The following STK38L variants were observed in gnomAD, a reference collection of about 807,000 sequenced individuals.
STK38L encodes serine/threonine-protein kinase 38-like.
STK38L carries 28 observed loss-of-function variants against 59.7 expected under a neutral mutation model. The ratio of observed to expected loss-of-function variants is 0.47; its 90% confidence interval spans 0.35 to 0.64. The LOEUF is 0.64. Among genes scored for constraint, STK38L ranks in the 30% least tolerant of loss-of-function variants. The probability of loss-of-function intolerance (pLI) is 0.01; values close to 1 mark genes in which losing one functional copy is unlikely to be tolerated. For synonymous variants in STK38L, 162 were observed against 176.8 expected, an observed-to-expected ratio of 0.92 and a Z score of 0.66; for missense variants, 314 against 555.8, an observed-to-expected ratio of 0.56 and a Z score of 4.37.
At chr12:27,304,711 A>G (rs1944265838) in intron 3 of STK38L, among the ~76,000 whole-genome samples, 1 of 152,122 alleles carries the variant, frequency 6.6e-6, no homozygotes, top group African/African-American at 2.4e-5. Flanking sequence ...ATATTGATAT[A>G]GAAATCTTAA....
chr12:27,284,159 T>C (rs139780002), intron 1 of STK38L, among the ~76,000 whole-genome samples: 317 of 152,244 alleles, frequency 2.1e-3, no homozygotes, highest in Middle Eastern at 3.4e-3. Context: ...TGGACATGAG[T>C]GCTAGGGCTA....
intron 1 of STK38L, among the ~76,000 whole-genome samples, chr12:27,253,254 A>G (rs891178296): frequency 1.3e-5 from 2 of 152,222 alleles, no homozygotes; most frequent in Admixed American, 6.5e-5. Flanking sequence ...TTCATTCTCT[A>G]CTTCACCACC....
intron 1 of STK38L, among the ~76,000 whole-genome samples, chr12:27,280,611 G>A (rs1268968734): frequency 1.3e-5 from 2 of 152,198 alleles, no homozygotes; most frequent in Non-Finnish European, 2.9e-5. Context: ...CCTGACTCCT[G>A]TGATGGCATC....
At chr12:27,257,041 T>G (rs1943105370) in intron 1 of STK38L, among the ~76,000 whole-genome samples, 1 of 152,260 alleles carries the variant, frequency 6.6e-6, no homozygotes, top group Admixed American at 6.5e-5. Context: ...AACATTTTTC[T>G]GAACATTTTC....
chr12:27,325,260 G>C lies in STK38L; in HGVS notation c.*2805G>C, dbSNP rs934541431. The C allele has an allele frequency of 2.0e-5, 3 of 152,162 alleles. No homozygotes were observed. 9.4% of individuals were successfully genotyped at this position (152,162 alleles called of 1,614,324 possible). ...GCTAGTTAGTGAATGGAAAATAAGT[G>C]TGGAGTATTAAAAATGTTCTTTGGT... On this transcript the variant is annotated 3_prime_UTR_variant, in exon 14 of 14. Transcript: ENST00000389032.
chr12:27,253,502 G>C (rs1454210399), intron 1 of STK38L, among the ~76,000 whole-genome samples: 1 of 152,272 alleles, frequency 6.6e-6, no homozygotes, highest in Middle Eastern at 3.4e-3. Flanking sequence ...AGTACATACC[G>C]TGTGCCAGGA....
chr12:27,270,058 G>A (rs1025573699), intron 1 of STK38L, among the ~76,000 whole-genome samples: 10 of 151,958 alleles, frequency 6.6e-5, no homozygotes, highest in Non-Finnish European at 1.3e-4. Flanking sequence ...CAGTGTTGTC[G>A]CCTGATTGTA....
chr12:27,309,421 T>A (rs1944406204), intron 5 of STK38L, among the ~76,000 whole-genome samples: 1 of 152,234 alleles, frequency 6.6e-6, no homozygotes, highest in Non-Finnish European at 1.5e-5. Context: ...ACAGGCTGGT[T>A]AGCTTAAACA....
intron 2 of STK38L, among the ~76,000 whole-genome samples, chr12:27,300,912 T>C (rs944468104): frequency 4.6e-5 from 7 of 152,204 alleles, no homozygotes; most frequent in South Asian, 2.1e-4. Context: ...ATAAGAAATA[T>C]CAAAAAGTTG....
In STK38L at chr12:27,323,426, T is replaced by C. The variant is rs1944776366; in HGVS notation, c.*971T>C. On this transcript the variant is annotated 3_prime_UTR_variant, in exon 14 of 14. Transcript: ENST00000389032. ...ATAGAGAACAAAAAGCTATTTACTT[T>C]GGTTTTCTAGAAAGTTGTTACATAT... 6.6e-6 allele frequency: 1 copy of C among 152,622 alleles called. No individual in the cohort carries two copies. Among genetic ancestry groups the C allele is most frequent in the Admixed American group, 6.5e-5 (1 of 15,290 alleles). 9.5% of individuals were successfully genotyped at this position (152,622 alleles called of 1,614,324 possible).
chr12:27,319,741 C>T (rs1203428693), intron 12 of STK38L, among the ~76,000 whole-genome samples: 1 of 152,194 alleles, frequency 6.6e-6, no homozygotes, highest in South Asian at 2.1e-4. Flanking sequence ...TTTGTCCTTG[C>T]TGTAATATAC....
intron 5 of STK38L, among the ~76,000 whole-genome samples, chr12:27,310,599 A>G (rs1944431768): frequency 6.6e-6 from 1 of 152,252 alleles, no homozygotes; most frequent in African/African-American, 2.4e-5. Context: ...TGATTTTTAT[A>G]TTGATTACAT....
At chr12:27,285,093 G>A (rs1221463520) in intron 1 of STK38L, among the ~76,000 whole-genome samples, 2 of 152,118 alleles carry the variant, frequency 1.3e-5, no homozygotes, top group Non-Finnish European at 2.9e-5. Context: ...TGTGAGCTTC[G>A]TGATACCATA....
intron 7 of STK38L, 117 bp downstream of exon 7, chr12:27,314,775 T>C: frequency 8.3e-7 from 1 of 1,203,692 alleles, no homozygotes; most frequent in Non-Finnish European, 1.1e-6. Context: ...CAACATTATA[T>C]GATAAGGTAC....
rs1472921815 is a variant in STK38L at position 27,323,593 on chromosome 12, T to G, written c.*1138T>G. On this transcript the variant is annotated 3_prime_UTR_variant, in exon 14 of 14. Coordinates refer to ENST00000389032, the MANE Select transcript of STK38L (RefSeq NM_015000.4). ...TGTTCACAACTGAGTAGAATTTTCC[T>G]TTCCTGTGGGCATGCTGTATTCAGA... is the stretch of plus-strand genomic sequence containing the variant. 1 of 152,592 alleles carries G rather than the reference T, an allele frequency of 6.6e-6. No individual in the cohort carries two copies. The highest frequency in any genetic ancestry group is 1.5e-5 in the Non-Finnish European group (1 of 68,000). The allele number at this position is 152,592 out of a possible 1,614,324, so 9.5% of individuals were successfully genotyped here. A position where few individuals can be genotyped will look rare whatever the true frequency, so the allele number is the denominator to read the frequency against.
intron 1 of STK38L, among the ~76,000 whole-genome samples, chr12:27,277,818 T>TA (rs890432380): frequency 4.7e-5 from 7 of 147,758 alleles, no homozygotes; most frequent in African/African-American, 9.9e-5. Flanking sequence ...TTTCTCCCCT[T>TA]AAAAAAAAAA....
At chr12:27,266,085 A>C (rs1207765301) in intron 1 of STK38L, among the ~76,000 whole-genome samples, 1 of 152,172 alleles carries the variant, frequency 6.6e-6, no homozygotes, top group Non-Finnish European at 1.5e-5. Context: ...TTCAAATAAT[A>C]TTTTAACATA....
In STK38L at chr12:27,286,558, TATC is replaced by T. The variant is rs1440912508; in HGVS notation, c.-11-11146_-11-11144del. ...TCTTCAGTGCTGTGGTATTTTATAC[TATC>T]ATCATTCCATCAATCATTTCATTTA... is the stretch of plus-strand genomic sequence containing the variant. On this transcript the variant is annotated intron_variant, in intron 1 of 13. Transcript: ENST00000389032. Among the ~76,000 whole-genome samples the T allele has an allele frequency of 6.6e-5, 10 of 152,314 alleles. No individual in the cohort carries two copies. The East Asian group carries it at 1.9e-3, about 29-fold the overall frequency.
At chr12:27,266,730 C>T (rs952441361) in intron 1 of STK38L, among the ~76,000 whole-genome samples, 6 of 152,126 alleles carry the variant, frequency 3.9e-5, no homozygotes, top group African/African-American at 1.4e-4. Flanking sequence ...TTCCTGGGGG[C>T]AATATTCAAT....
Sources: allele counts gnomAD v4.1 joint callset (sites outside exome capture counted in the v4.1 genomes callset), GRCh38; gene constraint gnomAD v4.1.1; transcripts MANE v1.5; gene names NCBI Gene and HGNC (gene_info 2026-07-23, HGNC 2026-07-21).